The following FGGY variants were observed in gnomAD, a reference collection of about 807,000 sequenced individuals.
FGGY encodes FGGY carbohydrate kinase domain-containing protein.
Under a neutral mutation model 71.3 loss-of-function variants are expected in FGGY, and 72 were observed. The observed-to-expected ratio is 1.01, with a 90% confidence interval of 0.84 to 1.23. The LOEUF (loss-of-function observed/expected upper bound fraction) is 1.23, where lower values mean the gene tolerates loss of function less well. Ranked by LOEUF, FGGY falls within the 50% of genes most tolerant of loss-of-function variation. The pLI is 0.00. For synonymous variants in FGGY, 251 were observed against 250.3 expected (o/e 1.00, Z -0.02); for missense variants, 668 against 682.3 (o/e 0.98, Z 0.23).
At chr1:59,331,860 GGGAACT>G (rs1286866936) in intron 2 of FGGY, 1 of 152,262 alleles carries the variant, frequency 6.6e-6, no homozygotes, top group African/African-American at 2.4e-5. Flanking sequence ...TGGAGCCTGA[GGGAACT>G]GGTGATTGCA....
intron 6 of FGGY, among the ~76,000 whole-genome samples, chr1:59,505,039 T>G (rs570420038): frequency 6.6e-6 from 1 of 152,240 alleles, no homozygotes; most frequent in East Asian, 1.9e-4. Context: ...GGGGAAAAAA[T>G]AAAACACAAC....
At chr1:59,487,152 A>T (rs925980722) in intron 6 of FGGY, among the ~76,000 whole-genome samples, 1 of 152,150 alleles carries the variant, frequency 6.6e-6, no homozygotes, top group Non-Finnish European at 1.5e-5. Context: ...AGAAAATAGA[A>T]ACCGAAGCCA....
In FGGY at chr1:59,346,259, G is replaced by A. The variant is rs531685698; in HGVS notation, c.326G>A (p.Arg109Gln). The change falls in exon 4 of 16, where the codon CGA becomes CAA. Residue 109 changes from arginine to glutamine, a missense_variant. By Grantham distance (43) the Arg-to-Gln change is conservative (BLOSUM62 1). Transcript: ENST00000303721. ...TCGTTTCTGCTAGGGGATTCCCATCGAAACGTCATCATGTGGCTGGACCAT... is the reference window on the plus strand; with the variant it reads ...TCGTTTCTGCTAGGGGATTCCCATCAAAACGTCATCATGTGGCTGGACCAT... ...LPVNQEGDSH[R>Q]NVIMWLDHRA... The A allele has an allele frequency of 6.8e-6, 11 of 1,612,808 alleles. No homozygotes were observed. The highest frequency in any genetic ancestry group is 1.8e-4 in the Middle Eastern group (1 of 5,454).
chr1:59,490,970 T>A, intron 6 of FGGY, among the ~76,000 whole-genome samples: 1 of 116,536 alleles, frequency 8.6e-6, no homozygotes, highest in African/African-American at 3.7e-5. Flanking sequence ...ATGTGATGCC[T>A]CCAGCCTGCT....
chr1:59,462,962 A>T lies in FGGY; in HGVS notation c.670+5886A>T, dbSNP rs539552220. On this transcript the variant is annotated intron_variant, in intron 6 of 15. Coordinates refer to ENST00000303721, the MANE Select transcript of FGGY (RefSeq NM_018291.5). Reference sequence around the variant, plus strand: ...ACCCAGCCATCCCATTACTGGGTATATACCCAAAGGACTATAAATCATGCT... The same window carrying T: ...ACCCAGCCATCCCATTACTGGGTATTTACCCAAAGGACTATAAATCATGCT... 4.1e-3 allele frequency among the ~76,000 whole-genome samples: 617 copies of T among 152,160 alleles called. 3 individuals carry two copies. The highest frequency in any genetic ancestry group is 0.014 in the African/African-American group (584 of 41,460).
intron 1 of FGGY, among the ~76,000 whole-genome samples, chr1:59,298,707 T>C (rs77646520): frequency 0.019 from 2,922 of 152,310 alleles, 92 homozygotes; most frequent in African/African-American, 0.066. Flanking sequence ...ATCTTGCCCT[T>C]AATCTCCTAG....
At position 59,325,356 on chromosome 1, in the gene FGGY, CCAACAACAG is replaced by C. The variant is rs373614690; in HGVS notation, c.201+3615_201+3623del. ...TGGGAGACAGAGTGGGACTCCGTGT[CCAACAACAG>C]CAACAACAACAACAACAACAAAAAC... On this transcript the variant is annotated intron_variant, in intron 2 of 15. Coordinates refer to ENST00000303721, the MANE Select transcript of FGGY (RefSeq NM_018291.5). Among the ~76,000 whole-genome samples, 186 of 128,804 alleles carry C rather than the reference CCAACAACAG, an allele frequency of 1.4e-3. 1 individual carries two copies. Among genetic ancestry groups the C allele is most frequent in the African/African-American group, 4.4e-3 (146 of 33,192 alleles). 84.5% of individuals were successfully genotyped at this position (128,804 alleles called of 152,430 possible). A position where few individuals can be genotyped will look rare whatever the true frequency, so the allele number is the denominator to read the frequency against.
chr1:59,339,955 CAG>C lies in FGGY; in HGVS notation c.202-1_202del, dbSNP rs769544537. On this transcript the variant is annotated splice_acceptor_variant, in intron 2 of 15. Coordinates refer to ENST00000303721, the MANE Select transcript of FGGY (RefSeq NM_018291.5). LOFTEE classifies it high-confidence loss of function. ...TTTATGTTTTTATTTGTTTTTAAAACAGAAAGTTGTACAAGGGATTGATTTAA... is the reference window on the plus strand; with the variant it reads ...TTTATGTTTTTATTTGTTTTTAAAACAAAGTTGTACAAGGGATTGATTTAA... 5.0e-6 allele frequency: 8 copies of C among 1,587,576 alleles called. 1 individual carries two copies. The highest frequency in any genetic ancestry group is 6.9e-6 in the Non-Finnish European group (8 of 1,159,222).
chr1:59,423,384 A>G (rs1286055171), intron 5 of FGGY, among the ~76,000 whole-genome samples: 1 of 152,044 alleles, frequency 6.6e-6, no homozygotes, highest in Non-Finnish European at 1.5e-5. Context: ...GCCAACGTGG[A>G]CACCATTCAG....
intron 5 of FGGY, among the ~76,000 whole-genome samples, chr1:59,406,525 A>G (rs1349436213): frequency 6.6e-6 from 1 of 152,174 alleles, no homozygotes; most frequent in Non-Finnish European, 1.5e-5. Flanking sequence ...GGCAGGAGTT[A>G]AGTGCTGTTG....
intron 7 of FGGY, among the ~76,000 whole-genome samples, chr1:59,535,068 T>G (rs984096831): frequency 6.6e-6 from 1 of 152,178 alleles, no homozygotes; most frequent in African/African-American, 2.4e-5. Context: ...CCCATCAGTG[T>G]GCTGTATTCA....
chr1:59,606,425 C>T (rs1379272452), intron 8 of FGGY, among the ~76,000 whole-genome samples: 1 of 152,172 alleles, frequency 6.6e-6, no homozygotes, highest in Non-Finnish European at 1.5e-5. Context: ...AGCAAGACTT[C>T]AAGTGGTAAG....
intron 5 of FGGY, among the ~76,000 whole-genome samples, chr1:59,439,808 C>A (rs2069333174): frequency 6.6e-6 from 1 of 152,110 alleles, no homozygotes; most frequent in Non-Finnish European, 1.5e-5. Context: ...TTCTATATTT[C>A]CAAACCATTG....
intron 4 of FGGY, among the ~76,000 whole-genome samples, chr1:59,375,096 TC>T (rs1383639293): frequency 3.0e-5 from 4 of 134,864 alleles, no homozygotes; most frequent in Admixed American, 7.2e-5. Context: ...CTAGTTTTCA[TC>T]AAAAAAAAAA....
chr1:59,731,353 A>G (rs1173541583), intron 14 of FGGY, among the ~76,000 whole-genome samples: 3 of 152,142 alleles, frequency 2.0e-5, no homozygotes, highest in African/African-American at 4.8e-5. Flanking sequence ...GGCCTCTTCA[A>G]AGGCCTATTG....
At chr1:59,607,408 G>C (rs1456482444) in intron 8 of FGGY, among the ~76,000 whole-genome samples, 1 of 152,190 alleles carries the variant, frequency 6.6e-6, no homozygotes, top group African/African-American at 2.4e-5. Context: ...GGCAAAACAA[G>C]TCACAAGACT....
chr1:59,761,398 CCT>C (rs1248244248), intron 15 of FGGY, among the ~76,000 whole-genome samples: 1 of 152,156 alleles, frequency 6.6e-6, no homozygotes, highest in Non-Finnish European at 1.5e-5. Context: ...ACTCTTACAA[CCT>C]CTCTCTGCCA....
chr1:59,405,190 G>A (rs1033446310), intron 5 of FGGY, among the ~76,000 whole-genome samples: 2 of 152,158 alleles, frequency 1.3e-5, no homozygotes, highest in South Asian at 2.1e-4. Flanking sequence ...GATCCTGAAG[G>A]CATGAGCAAG....
chr1:59,543,928 C>G (rs1464898030), intron 7 of FGGY, among the ~76,000 whole-genome samples: 1 of 152,188 alleles, frequency 6.6e-6, no homozygotes, highest in Non-Finnish European at 1.5e-5. Flanking sequence ...CCTAGTCCTG[C>G]TTTCTCCCAA....
Sources: allele counts gnomAD v4.1 joint callset (sites outside exome capture counted in the v4.1 genomes callset), GRCh38; gene constraint gnomAD v4.1.1; transcripts MANE v1.5; gene names NCBI Gene and HGNC (gene_info 2026-07-23, HGNC 2026-07-21).